Variants in KIRREL3 observed in about 807,000 individuals in gnomAD.
KIRREL3 encodes the protein kirre like nephrin family adhesion molecule 3, also known as kin of IRRE-like protein 3.
In KIRREL3, 36 loss-of-function variants were observed where a neutral mutation model predicts 89.7. The ratio of observed to expected loss-of-function variants is 0.40; its 90% confidence interval spans 0.31 to 0.53. The LOEUF is 0.53. KIRREL3 is among the 20% of genes least tolerant of loss of function. KIRREL3 has a pLI of 0.49. For synonymous variants in KIRREL3, 445 were observed against 441.4 expected (o/e 1.01, Z -0.10); for missense variants, 864 against 1,056.6 (o/e 0.82, Z 2.53).
rs907347325 is a variant in KIRREL3, at chr11:126,643,235, A to G, written c.56-80323T>C. Among the ~76,000 whole-genome samples the G allele has an allele frequency of 6.6e-6, 1 of 152,264 alleles. No individual in the cohort carries two copies. Among genetic ancestry groups the G allele is most frequent in the Non-Finnish European group, 1.5e-5 (1 of 68,052 alleles). On this transcript the variant is annotated intron_variant, in intron 1 of 16. Transcript: ENST00000525144. The surrounding 1 kb of genome is among the most constrained non-coding windows in gnomAD (Gnocchi z 4.5). ...CATAGGGTTAACATGGGAATTAAAGAAGATAATGCATATTAAAGTTCTTGG... is the reference window on the plus strand; with the variant it reads ...CATAGGGTTAACATGGGAATTAAAGGAGATAATGCATATTAAAGTTCTTGG...
At chr11:126,809,764 C>G (rs1951320358) in intron 1 of KIRREL3, among the ~76,000 whole-genome samples, 2 of 152,154 alleles carry the variant, frequency 1.3e-5, no homozygotes, top group South Asian at 2.1e-4. Context: ...TTTGCCCTCT[C>G]CAAGATCTAC....
rs1335845947 is a variant in KIRREL3 at position 126,817,439 on chromosome 11, G to A, written c.55+183016C>T. On this transcript the variant is annotated intron_variant, in intron 1 of 16. Transcript: ENST00000525144. The surrounding 1 kb of genome is among the most constrained non-coding windows in gnomAD (Gnocchi z 5.7). ...CTGAGGGCTTCAGCTTCCTCATTGTGGGGGACAGAAGGGGATGGTTTAGCA... is the reference window on the plus strand; with the variant it reads ...CTGAGGGCTTCAGCTTCCTCATTGTAGGGGACAGAAGGGGATGGTTTAGCA... 6.6e-5 allele frequency among the ~76,000 whole-genome samples: 10 copies of A among 152,260 alleles called. No homozygotes were observed. The highest frequency in any genetic ancestry group is 4.6e-4 in the Admixed American group (7 of 15,296).
chr11:126,632,009 C>T (rs1401184366), intron 1 of KIRREL3, among the ~76,000 whole-genome samples: 1 of 152,190 alleles, frequency 6.6e-6, no homozygotes, highest in Non-Finnish European at 1.5e-5. Context: ...ACCTAGACTA[C>T]ATAAAGCAGT....
intron 1 of KIRREL3, among the ~76,000 whole-genome samples, chr11:126,581,482 G>A (rs1409999657): frequency 2.0e-5 from 3 of 152,146 alleles, no homozygotes; most frequent in Non-Finnish European, 2.9e-5. Flanking sequence ...GATTATAGGC[G>A]TGAGACACCG....
At chr11:126,920,918 A>G (rs1053472507) in intron 1 of KIRREL3, among the ~76,000 whole-genome samples, 2 of 152,240 alleles carry the variant, frequency 1.3e-5, no homozygotes, top group Non-Finnish European at 2.9e-5. Flanking sequence ...GGTTAATGTT[A>G]GGTGTCAACT....
chr11:126,896,185 G>A lies in KIRREL3; in HGVS notation c.55+104270C>T, dbSNP rs1201671642. On this transcript the variant is annotated intron_variant, in intron 1 of 16. Coordinates refer to ENST00000525144, the MANE Select transcript of KIRREL3 (RefSeq NM_032531.4). The surrounding 1 kb of genome is among the most constrained non-coding windows in gnomAD (Gnocchi z 4.1). ...CCTGTTAAAGGCAAGGCCTTCATTA[G>A]TCAGAGAGAAGTCATTCTCCAGGAC... is the stretch of plus-strand genomic sequence containing the variant. 2.0e-5 allele frequency among the ~76,000 whole-genome samples: 3 copies of A among 152,236 alleles called. No individual in the cohort carries two copies. Among genetic ancestry groups the A allele is most frequent in the African/African-American group, 7.2e-5 (3 of 41,458 alleles).
chr11:126,547,386 G>C (rs1012313994), intron 2 of KIRREL3, among the ~76,000 whole-genome samples: 18 of 152,200 alleles, frequency 1.2e-4, no homozygotes, highest in African/African-American at 4.1e-4. Flanking sequence ...TCCCCACCGT[G>C]TCTAATCACG....
Position 126,436,924 on chromosome 11 carries a change from A to T in KIRREL3, c.1439T>A (p.Ile480Asn). 1 of 1,613,110 alleles carries T rather than the reference A, an allele frequency of 6.2e-7. No homozygotes were observed. The highest frequency in any genetic ancestry group is 8.5e-7 in the Non-Finnish European group (1 of 1,179,644). The part of the protein sequence containing the change: ...VETISTEEGV[I>N]STLTISNIVR... Reference sequence around the variant, plus strand: ...GATGTTGCTGATGGTCAGGGTGGAGATGACGCCCTCCTCGGTGCTGATGGT... The same window carrying T: ...GATGTTGCTGATGGTCAGGGTGGAGTTGACGCCCTCCTCGGTGCTGATGGT... The change falls in exon 12 of 17, where the codon ATC (isoleucine) becomes AAC (asparagine). Residue 480 changes from isoleucine (I) to asparagine (N), a missense_variant. By Grantham distance (149) the Ile-to-Asn change is moderately radical. Coordinates refer to ENST00000525144, the MANE Select transcript of KIRREL3 (RefSeq NM_032531.4).
At chr11:126,829,341 G>A (rs1943525543) in intron 1 of KIRREL3, among the ~76,000 whole-genome samples, 1 of 152,154 alleles carries the variant, frequency 6.6e-6, no homozygotes, top group Non-Finnish European at 1.5e-5. Context: ...AAATAGATGT[G>A]AAAAAGAATC....
intron 2 of KIRREL3, among the ~76,000 whole-genome samples, chr11:126,560,768 T>G (rs1940058871): frequency 6.6e-6 from 1 of 152,350 alleles, no homozygotes; most frequent in South Asian, 2.1e-4. Flanking sequence ...ATCATCAACT[T>G]ATCTTTAAGG....
chr11:126,848,448 A>T (rs1055279539), intron 1 of KIRREL3, among the ~76,000 whole-genome samples: 6 of 152,172 alleles, frequency 3.9e-5, no homozygotes, highest in African/African-American at 1.4e-4. Context: ...CCTGCAATGT[A>T]GGCTGACCCC....
rs1179632197 is a variant in KIRREL3 at position 126,462,920 on chromosome 11, A to G, written c.742+237T>C. Among the ~76,000 whole-genome samples the G allele has an allele frequency of 6.6e-6, 1 of 152,218 alleles. No homozygotes were observed. The highest frequency in any genetic ancestry group is 1.5e-5 in the Non-Finnish European group (1 of 68,042). On this transcript the variant is annotated intron_variant, in intron 6 of 16. Coordinates refer to ENST00000525144, the MANE Select transcript of KIRREL3 (RefSeq NM_032531.4). The surrounding 1 kb of genome is among the most constrained non-coding windows in gnomAD (Gnocchi z 4.8). ...TTGGTGTGAAAGTCCCACCTTGTAC[A>G]GGTGTTGAAATGTGGCCTGAAGATG... is the stretch of plus-strand genomic sequence containing the variant.
At chr11:126,820,227 T>G (rs1943159262) in intron 1 of KIRREL3, among the ~76,000 whole-genome samples, 1 of 152,132 alleles carries the variant, frequency 6.6e-6, no homozygotes, top group Non-Finnish European at 1.5e-5. Flanking sequence ...GGGAGGCAGA[T>G]AGCTGAGTTT....
At chr11:126,700,193 CAA>C (rs10572797) in intron 1 of KIRREL3, among the ~76,000 whole-genome samples, 77,522 of 144,014 alleles carry the variant, frequency 0.54, 20,780 homozygotes, top group East Asian at 0.83. Context: ...GACTTTGTCA[CAA>C]AAAAAAAAAA....
chr11:126,799,431 TGTGTATCTGTGTGCATGC>T (rs1230809953), intron 1 of KIRREL3, among the ~76,000 whole-genome samples: 1 of 62,340 alleles, frequency 1.6e-5, no homozygotes, highest in Non-Finnish European at 3.2e-5. Flanking sequence ...TGTGTGCATG[TGTGTATCTGTGTGCATGC>T]ATCTCTGTGT....
Position 126,526,631 on chromosome 11 carries a change from G to A in KIRREL3, c.190C>T (p.Pro64Ser), listed in dbSNP as rs1279295035. Residue 64 changes from proline to serine, a missense_variant, in exon 3 of 17, where the codon CCA becomes TCA. Physicochemically the swap from Pro to Ser is moderately conservative, Grantham distance 74. Coordinates refer to ENST00000525144, the MANE Select transcript of KIRREL3 (RefSeq NM_032531.4). This position sits in a 1 kb window ranked among gnomAD's most constrained non-coding sequence, Gnocchi z 5.7. ...GGGATGGCGCAAAGTAGCGTCACTGGCTGTCCCGACACCACCACCTGGTCC... is the reference window on the plus strand; with the variant it reads ...GGGATGGCGCAAAGTAGCGTCACTGACTGTCCCGACACCACCACCTGGTCC... ...PQDQVVVSGQ[P>S]VTLLCAIPEY... is the part of the protein sequence containing the mutation. The A allele has an allele frequency of 6.3e-7, 1 of 1,593,692 alleles. No homozygotes were observed. Among genetic ancestry groups the A allele is most frequent in the Non-Finnish European group, 8.5e-7 (1 of 1,170,310 alleles).
Position 126,578,272 on chromosome 11 carries a change from C to T in KIRREL3, c.56-15360G>A, listed in dbSNP as rs948837212. On this transcript the variant is annotated intron_variant, in intron 1 of 16. Transcript: ENST00000525144. This position sits in a 1 kb window ranked among gnomAD's most constrained non-coding sequence, Gnocchi z 4.9. The stretch of plus-strand genomic sequence containing the variant: ...AGCCCAGGAAATGCTCCCTCCCTCT[C>T]CCCTCCAGCTTCTCTGCAAATGCAA... Among the ~76,000 whole-genome samples, 4 of 152,212 alleles carry T rather than the reference C, an allele frequency of 2.6e-5. No homozygotes were observed. Among genetic ancestry groups the T allele is most frequent in the African/African-American group, 9.6e-5 (4 of 41,456 alleles).
At chr11:126,885,549 C>A (rs1208743865) in intron 1 of KIRREL3, among the ~76,000 whole-genome samples, 1 of 152,170 alleles carries the variant, frequency 6.6e-6, no homozygotes, top group Non-Finnish European at 1.5e-5. Context: ...TCATATCAAT[C>A]ATCATTGTCA....
rs1951185182 is a variant in KIRREL3 at position 126,805,766 on chromosome 11, C to T, written c.55+194689G>A. On this transcript the variant is annotated intron_variant, in intron 1 of 16. Coordinates refer to ENST00000525144, the MANE Select transcript of KIRREL3 (RefSeq NM_032531.4). This position sits in a 1 kb window ranked among gnomAD's most constrained non-coding sequence, Gnocchi z 4.3. Reference sequence around the variant, plus strand: ...AGGAAGAGAAGCAAGGAAGAAAAACCAAGGGAGGAGGGAATTCTTGATAGT... The same window carrying T: ...AGGAAGAGAAGCAAGGAAGAAAAACTAAGGGAGGAGGGAATTCTTGATAGT... Among the ~76,000 whole-genome samples the T allele has an allele frequency of 6.6e-6, 1 of 152,040 alleles. No individual in the cohort carries two copies. Among genetic ancestry groups the T allele is most frequent in the African/African-American group, 2.4e-5 (1 of 41,408 alleles).
Sources: allele counts gnomAD v4.1 joint callset (sites outside exome capture counted in the v4.1 genomes callset), GRCh38; gene constraint gnomAD v4.1.1; non-coding constraint Gnocchi (gnomAD v3.1); transcripts MANE v1.5; gene names NCBI Gene and HGNC (gene_info 2026-07-23, HGNC 2026-07-21).